The following STN1 variants were observed in gnomAD, a reference collection of about 807,000 sequenced individuals.
STN1 encodes STN1 subunit of CST complex.
STN1 carries 29 observed loss-of-function variants against 45.5 expected under a neutral mutation model. That is an observed-to-expected ratio of 0.64 (90% CI 0.47 to 0.87). The LOEUF is 0.87. STN1 is among the 40% of genes least tolerant of loss of function. The pLI, the probability that STN1 is intolerant of heterozygous loss-of-function variation, is 0.00. For synonymous variants in STN1, 148 were observed against 159.0 expected (o/e 0.93, Z 0.52); for missense variants, 376 against 441.4 (o/e 0.85, Z 1.33).
rs758924832 is a variant in STN1, at chr10:103,882,797, G to T, written c.994C>A (p.Arg332Ser). Residue 332 changes from arginine to serine, a missense_variant, in exon 10 of 10, where the codon CGC becomes AGC. Transcript: ENST00000224950. ...CHFLHILACA[R>S]LSIRPGLSEA... ...CTCAGGCCCGGGCGGATGCTCAGGC[G>T]AGCACAGGCCAAGATGTGCAGGAAG... 6 of 1,614,086 alleles carry T rather than the reference G, an allele frequency of 3.7e-6. No homozygotes were observed. In the East Asian group the frequency reaches 8.9e-5, roughly 24 times the overall value.
At chr10:103,893,424 T>C (rs1843153183) in intron 7 of STN1, among the ~76,000 whole-genome samples, 1 of 152,190 alleles carries the variant, frequency 6.6e-6, no homozygotes, top group Non-Finnish European at 1.5e-5. Context: ...CGCCTCGGCC[T>C]CTCAAAGTGC....
At chr10:103,908,794 A>C (rs1418861729) in intron 3 of STN1, among the ~76,000 whole-genome samples, 1 of 152,192 alleles carries the variant, frequency 6.6e-6, no homozygotes, top group African/African-American at 2.4e-5. Context: ...CAGGCTTAAT[A>C]TCTAGCCTGG....
At chr10:103,917,848 G>A (rs182433867) in intron 1 of STN1, among the ~76,000 whole-genome samples, 192 bp from the exon 2 acceptor site, 2 of 152,306 alleles carry the variant, frequency 1.3e-5, no homozygotes, top group Admixed American at 6.5e-5. Context: ...CGTTCCTTAC[G>A]GCTCTCCCGC....
chr10:103,910,398 T>C (rs1843281802), intron 3 of STN1, 129 bp downstream of exon 3: 2 of 555,178 alleles, frequency 3.6e-6, no homozygotes, highest in Non-Finnish European at 3.3e-6. Flanking sequence ...GGGCACCCCA[T>C]AGAGAAAGTA....
rs145781517 is a variant in STN1 at position 103,900,158 on chromosome 10, C to T, written c.361G>A (p.Glu121Lys). ...CCGATCTCTATCTTTGTTTTCTGCT[C>T]AATGGTCTCTTGTAGCTTCTTAAGT... ...SQLKKLQETIEQKTKIEIGDT... is the reference protein window; with the variant it reads ...SQLKKLQETIKQKTKIEIGDT... Residue 121 changes from glutamate (E) to lysine (K), a missense_variant, in exon 5 of 10, where the codon GAG becomes AAG. Transcript: ENST00000224950. The T allele has an allele frequency of 3.6e-3, 5,802 of 1,614,160 alleles. 53 individuals carry two copies. The highest frequency in any genetic ancestry group is 2.7e-3 in the Non-Finnish European group (3,198 of 1,180,026).
chr10:103,893,319 C>T (rs982860589), intron 7 of STN1, among the ~76,000 whole-genome samples: 1 of 152,118 alleles, frequency 6.6e-6, no homozygotes, highest in South Asian at 2.1e-4. Flanking sequence ...CAGGCGCCTG[C>T]CACCATGCCC....
At position 103,897,638 on chromosome 10, in the gene STN1, C is replaced by T. The variant is rs1279446545; in HGVS notation, c.663G>A (p.Val221=). The T allele has an allele frequency of 6.2e-7, 1 of 1,614,230 alleles. No homozygotes were observed. Among genetic ancestry groups the T allele is most frequent in the South Asian group, 1.1e-5 (1 of 91,090 alleles). ...CCAGCTCCTGCTGGTAAAAGCTCTG[C>T]ACTCTGTTCTCCATGAGGAATTCTT... ...KAKEFLMENR[V]QSFYQQELEM... is the part of the protein sequence containing the mutation. The change falls in exon 7 of 10, where the codon GTG becomes GTA. Residue 221 remains valine, a synonymous_variant. Transcript: ENST00000224950.
rs1487514233 is a variant in STN1 at position 103,918,125 on chromosome 10, C to G, written c.-88G>C. 6.5e-6 allele frequency: 1 copy of G among 152,872 alleles called. No individual in the cohort carries two copies. Among genetic ancestry groups the G allele is most frequent in the African/African-American group, 2.4e-5 (1 of 41,440 alleles). The allele number at this position is 152,872 out of a possible 1,614,324, so 9.5% of individuals were successfully genotyped here. On this transcript the variant is annotated 5_prime_UTR_variant, in exon 1 of 10. Transcript: ENST00000224950. ...TTGTAGCCCCTCCCGCCGCCTGCAG[C>G]TCCAGGAGCCCTGAGACCTGGCCCT...
chr10:103,877,574 T>C lies in STN1; in HGVS notation c.*5110A>G, dbSNP rs1843039239. The stretch of plus-strand genomic sequence containing the variant: ...CACAGAACCTTTTGCTGTACTGTGA[T>C]TTACCTATTCAGGTTTATTTAATAA... On this transcript the variant is annotated 3_prime_UTR_variant, in exon 10 of 10. Transcript: ENST00000224950. The C allele has an allele frequency of 6.6e-6, 1 of 152,254 alleles. No individual in the cohort carries two copies. Among genetic ancestry groups the C allele is most frequent in the African/African-American group, 2.4e-5 (1 of 41,466 alleles). 9.4% of individuals were successfully genotyped at this position (152,254 alleles called of 1,614,324 possible). A position where few individuals can be genotyped will look rare whatever the true frequency, so the allele number is the denominator to read the frequency against.
chr10:103,882,770 CGCTCAGGCCCGGGCGGAT>C lies in STN1; in HGVS notation c.1003_1020del (p.Ile335_Ser340del). 1 of 1,614,198 alleles carries C rather than the reference CGCTCAGGCCCGGGCGGAT, an allele frequency of 6.2e-7. No homozygotes were observed. ...TCCAGAACTTGCTGCAGCACAGCCT[CGCTCAGGCCCGGGCGGAT>C]GCTCAGGCGAGCACAGGCCAAGATG... On this transcript the variant is annotated inframe_deletion, in exon 10 of 10. Coordinates refer to ENST00000224950, the MANE Select transcript of STN1 (RefSeq NM_024928.5).
At chr10:103,900,292 A>G in intron 4 of STN1, 69 bp from the exon 5 acceptor site, 1 of 1,513,238 alleles carries the variant, frequency 6.6e-7, no homozygotes, top group Non-Finnish European at 9.0e-7. Context: ...CATCTGTGAG[A>G]CAGTTTTAGG....
At chr10:103,890,182 G>C (rs17573075) in intron 8 of STN1, among the ~76,000 whole-genome samples, 34,187 of 152,044 alleles carry the variant, frequency 0.22, 4,314 homozygotes, top group Non-Finnish European at 0.27. Flanking sequence ...ACAAATAGCT[G>C]TAAGTTTCCT....
intron 2 of STN1, among the ~76,000 whole-genome samples, chr10:103,911,256 C>A (rs902257999): frequency 1.3e-5 from 2 of 152,044 alleles, no homozygotes; most frequent in Non-Finnish European, 2.9e-5. Context: ...CCACTGATAC[C>A]CAGAGGCTTT....
chr10:103,897,646 T>C lies in STN1; in HGVS notation c.655A>G (p.Asn219Asp), dbSNP rs1289660806. The C allele has an allele frequency of 1.9e-6, 3 of 1,614,068 alleles. No individual in the cohort carries two copies. Among genetic ancestry groups the C allele is most frequent in the Admixed American group, 1.7e-5 (1 of 60,010 alleles). The change falls in exon 7 of 10, where the codon AAC becomes GAC. Residue 219 changes from asparagine to aspartate, a missense_variant. Coordinates refer to ENST00000224950, the MANE Select transcript of STN1 (RefSeq NM_024928.5). ...SEKAKEFLME[N>D]RVQSFYQQEL... ...TGCTGGTAAAAGCTCTGCACTCTGT[T>C]CTCCATGAGGAATTCTTTGGCTTTT...
At chr10:103,902,333 T>C (rs560165184) in intron 4 of STN1, among the ~76,000 whole-genome samples, 1 of 152,304 alleles carries the variant, frequency 6.6e-6, no homozygotes, top group Admixed American at 6.5e-5. Context: ...TTTAAAGGTA[T>C]TTATAAATCT....
At chr10:103,896,468 AC>A (rs1843171708) in intron 7 of STN1, among the ~76,000 whole-genome samples, 1 of 152,192 alleles carries the variant, frequency 6.6e-6, no homozygotes, top group South Asian at 2.1e-4. Flanking sequence ...TAAATGAGTC[AC>A]GTTACAACAA....
intron 5 of STN1, chr10:103,899,858 C>T: frequency 2.0e-6 from 1 of 512,764 alleles, no homozygotes; most frequent in Non-Finnish European, 3.4e-6. Flanking sequence ...CATTTTCTTT[C>T]CCAACTTATA....
At chr10:103,893,866 T>TAAA (rs776016283) in intron 7 of STN1, among the ~76,000 whole-genome samples, 10 of 152,172 alleles carry the variant, frequency 6.6e-5, no homozygotes, top group Non-Finnish European at 1.0e-4. Context: ...AGTTTTTCCT[T>TAAA]AAAAGAACAA....
chr10:103,915,232 A>C (rs1287071636), intron 2 of STN1, among the ~76,000 whole-genome samples: 1 of 152,204 alleles, frequency 6.6e-6, no homozygotes, highest in Non-Finnish European at 1.5e-5. Flanking sequence ...AGGTCTCATA[A>C]GGTAGGCACA....
Sources: gnomAD v4.1 joint callset for allele counts (sites outside exome capture counted in the v4.1 genomes callset) on GRCh38, gnomAD v4.1.1 for gene constraint, MANE v1.5 for transcripts, NCBI Gene and HGNC (gene_info 2026-07-23, HGNC 2026-07-21) for gene names.